ZFHX3: variants seen among roughly 807,000 people sequenced by gnomAD.
ZFHX3 encodes the protein zinc finger homeobox 3.
ZFHX3 carries 42 observed loss-of-function variants against 279.1 expected under a neutral mutation model. The observed-to-expected ratio is 0.15, with a 90% CI of 0.12 to 0.19. The LOEUF (loss-of-function observed/expected upper bound fraction) is 0.19. ZFHX3 is among the 10% of genes least tolerant of loss of function. The pLI is 1.00. For synonymous variants in ZFHX3, 2,293 were observed against 1,957.8 expected, an observed-to-expected ratio of 1.17 and a Z score of -4.52; for missense variants, 4,981 against 4,754.0, an observed-to-expected ratio of 1.05 and a Z score of -1.40.
intron 1 of ZFHX3, among the ~76,000 whole-genome samples, chr16:73,805,326 G>A (rs1044207713): frequency 6.6e-6 from 1 of 151,990 alleles, no homozygotes; most frequent in Non-Finnish European, 1.5e-5. Context: ...CTGCCACTAC[G>A]CCTGGCTAAT....
At chr16:72,979,227 A>G (rs1194563245) in intron 1 of ZFHX3, among the ~76,000 whole-genome samples, 1 of 152,216 alleles carries the variant, frequency 6.6e-6, no homozygotes, top group Non-Finnish European at 1.5e-5. Context: ...CCTGTGTCCA[A>G]GGCTGGAACC....
intron 2 of ZFHX3, among the ~76,000 whole-genome samples, chr16:73,633,802 G>A (rs944711074): frequency 6.6e-6 from 1 of 152,018 alleles, no homozygotes; most frequent in Non-Finnish European, 1.5e-5. Flanking sequence ...GGAGGCTGAG[G>A]TGAGAGAATC....
chr16:73,487,984 A>G (rs900669242), intron 2 of ZFHX3, among the ~76,000 whole-genome samples: 2 of 152,162 alleles, frequency 1.3e-5, no homozygotes, highest in Admixed American at 6.5e-5. Context: ...CCCAGCCAAC[A>G]TGATGTGATA....
At chr16:73,698,389 C>T (rs563597774) in intron 1 of ZFHX3, among the ~76,000 whole-genome samples, 3 of 151,974 alleles carry the variant, frequency 2.0e-5, no homozygotes, top group African/African-American at 7.2e-5. Flanking sequence ...GAGGTAAGGC[C>T]CACTTATGGA....
rs767246387 is a variant in ZFHX3, at chr16:72,959,060, G to A, written c.1086C>T (p.His362=). 1.9e-5 allele frequency: 31 copies of A among 1,614,000 alleles called. No individual in the cohort carries two copies. In the East Asian group the frequency reaches 6.7e-4, roughly 35 times the overall value. Residue 362 remains histidine, a synonymous_variant, in exon 2 of 10, where the codon CAC becomes CAT. Coordinates refer to ENST00000268489, the MANE Select transcript of ZFHX3 (RefSeq NM_006885.4). ...VSTANLIGPG[H]SFYGKFSGIR... ...TGCCACTAAATTTACCATAAAAACT[G>A]TGTCCGGGGCCTATGAGGTTAGCTG... is the stretch of plus-strand genomic sequence containing the variant.
intron 4 of ZFHX3, chr16:73,293,986 CAAAAAAAA>C (rs56783722): frequency 9.6e-5 from 4 of 41,734 alleles, no homozygotes; most frequent in African/African-American, 3.5e-4. Flanking sequence ...GTCAATATGC[CAAAAAAAA>C]AAAAAAAAAA....
At chr16:73,706,325 C>G (rs1359722093) in intron 1 of ZFHX3, among the ~76,000 whole-genome samples, 1 of 151,320 alleles carries the variant, frequency 6.6e-6, no homozygotes, top group Non-Finnish European at 1.5e-5. Context: ...AGCTGGGTGT[C>G]GTGGCAGGCG....
Position 72,997,850 on chromosome 16 carries a change from C to T in ZFHX3, c.-49-37656G>A, listed in dbSNP as rs528025056. On this transcript the variant is annotated intron_variant, in intron 1 of 9. Coordinates refer to ENST00000268489, the MANE Select transcript of ZFHX3 (RefSeq NM_006885.4). ...ATCCTGACACTTTGGGAGGCCGAGG[C>T]GGCAAGATCGCTTGAGCCCAGGAGT... Among the ~76,000 whole-genome samples, 6 of 152,150 alleles carry T rather than the reference C, an allele frequency of 3.9e-5. 1 individual carries two copies. The East Asian group carries it at 7.7e-4, about 20-fold the overall frequency.
chr16:73,463,571 TTA>T (rs770458295), intron 2 of ZFHX3, among the ~76,000 whole-genome samples: 26 of 152,200 alleles, frequency 1.7e-4, no homozygotes, highest in Admixed American at 1.3e-4. Flanking sequence ...CTTCTTTTCG[TTA>T]TCTCTTCTTT....
At chr16:73,847,904 GTT>G (rs60189791) in intron 1 of ZFHX3, among the ~76,000 whole-genome samples, 9 of 80,070 alleles carry the variant, frequency 1.1e-4, no homozygotes, top group African/African-American at 5.3e-4. Context: ...TGCCTGGCTA[GTT>G]TTTTTTTTTT....
chr16:73,728,278 A>C (rs11643568), intron 1 of ZFHX3, among the ~76,000 whole-genome samples: 4,377 of 152,252 alleles, frequency 0.029, 77 homozygotes, highest in Middle Eastern at 0.048. Context: ...TGTGCAAGCC[A>C]AGGAGAGGCC....
intron 1 of ZFHX3, among the ~76,000 whole-genome samples, chr16:73,792,792 T>G (rs1363028489): frequency 6.6e-6 from 1 of 152,146 alleles, no homozygotes; most frequent in Non-Finnish European, 1.5e-5. Flanking sequence ...GAAGGCAGCC[T>G]TCTGTAGTAG....
At chr16:73,540,967 TGGTAG>T (rs1360215437) in intron 2 of ZFHX3, among the ~76,000 whole-genome samples, 9 of 152,062 alleles carry the variant, frequency 5.9e-5, no homozygotes, top group African/African-American at 1.9e-4. Flanking sequence ...TTAGAATAGA[TGGTAG>T]GGGTCATCTC....
chr16:73,733,760 C>T (rs1384778479), intron 1 of ZFHX3, among the ~76,000 whole-genome samples: 3 of 152,132 alleles, frequency 2.0e-5, no homozygotes, highest in Admixed American at 6.6e-5. Context: ...TACTAAAAAA[C>T]TACAGCTGAA....
intron 2 of ZFHX3, among the ~76,000 whole-genome samples, chr16:73,654,854 C>CTTTTTTTTTTT (rs1382941693): frequency 1.6e-5 from 1 of 64,126 alleles, no homozygotes; most frequent in African/African-American, 7.0e-5. Context: ...ATAGTAATCA[C>CTTTTTTTTTTT]TTTTTTTTTT....
intron 2 of ZFHX3, among the ~76,000 whole-genome samples, chr16:73,591,034 G>GAAATCTACAGA (rs2143842159): frequency 6.6e-6 from 1 of 152,276 alleles, no homozygotes; most frequent in East Asian, 1.9e-4. Flanking sequence ...AATCTTGGGA[G>GAAATCTACAGA]AAATCTACAG....
chr16:73,555,180 A>T (rs2020258206), intron 2 of ZFHX3, among the ~76,000 whole-genome samples: 1 of 151,944 alleles, frequency 6.6e-6, no homozygotes, highest in African/African-American at 2.4e-5. Context: ...TTTGAGGAGG[A>T]GTCTCGCTCT....
chr16:73,271,046 T>C (rs1218517363), intron 4 of ZFHX3, among the ~76,000 whole-genome samples: 1 of 152,246 alleles, frequency 6.6e-6, no homozygotes, highest in African/African-American at 2.4e-5. Context: ...AACCTGGATC[T>C]GCCCCTGCTG....
At chr16:73,543,349 GC>G (rs574345166) in intron 2 of ZFHX3, among the ~76,000 whole-genome samples, 41 of 152,256 alleles carry the variant, frequency 2.7e-4, no homozygotes, top group African/African-American at 9.6e-4. Context: ...AACTTGCCAG[GC>G]CTACAATTAT....
Sources: allele counts gnomAD v4.1 joint callset (sites outside exome capture counted in the v4.1 genomes callset), GRCh38; gene constraint gnomAD v4.1.1; transcripts MANE v1.5; gene names NCBI Gene and HGNC (gene_info 2026-07-23, HGNC 2026-07-21).